The following FLT3 variants were observed in gnomAD, a reference collection of about 807,000 sequenced individuals.
The protein encoded by FLT3 is receptor-type tyrosine-protein kinase FLT3.
In FLT3, 46 loss-of-function variants were observed where a neutral mutation model predicts 126.6. The ratio of observed to expected loss-of-function variants is 0.36; its 90% CI spans 0.29 to 0.46. The LOEUF is 0.46. Among genes scored for constraint, FLT3 ranks in the 20% least tolerant of loss-of-function variants. FLT3 has a pLI of 1.00. For missense variants in FLT3, 1,069 were observed against 1,190.3 expected, an observed-to-expected ratio of 0.90 and a Z score of 1.50; for synonymous variants, 404 against 434.4, an observed-to-expected ratio of 0.93 and a Z score of 0.87.
rs774344038 is a variant in FLT3, at chr13:28,057,484, T to A, written c.369-22A>T. The A allele has an allele frequency of 7.2e-6, 8 of 1,118,174 alleles. No individual in the cohort carries two copies. The Admixed American group carries it at 1.4e-4, about 19-fold the overall frequency. The allele number at this position is 1,118,174 out of a possible 1,614,324, so 69.3% of individuals were successfully genotyped here. ...TCCTCTGCAAAACAGGAAAGAGAAC[T>A]AGTTATTTTGGAAAATGTGTGAAAC... On this transcript the variant is annotated intron_variant, in intron 3 of 23. Coordinates refer to ENST00000241453, the MANE Select transcript of FLT3 (RefSeq NM_004119.3).
At chr13:28,022,434 C>T (rs1593225110) in intron 19 of FLT3, among the ~76,000 whole-genome samples, 1 of 152,042 alleles carries the variant, frequency 6.6e-6, no homozygotes, top group Admixed American at 6.6e-5. Flanking sequence ...ATTGCTTGAA[C>T]CCAGGAAGCA....
intron 13 of FLT3, 22 bp from the exon 14 acceptor site, chr13:28,034,236 T>C (rs1873626373): frequency 6.2e-7 from 1 of 1,613,676 alleles, no homozygotes; most frequent in African/African-American, 1.3e-5. Flanking sequence ...AAATGATGAG[T>C]CAGTTAGGAA....
intron 5 of FLT3, among the ~76,000 whole-genome samples, chr13:28,052,231 A>G (rs569540418): frequency 6.6e-6 from 1 of 151,624 alleles, no homozygotes; most frequent in Non-Finnish European, 1.5e-5. Context: ...AGTAGCTGGT[A>G]TTTTAGGTGC....
intron 23 of FLT3, among the ~76,000 whole-genome samples, chr13:28,008,668 G>A (rs1195696718): frequency 2.0e-5 from 3 of 151,870 alleles, no homozygotes; most frequent in South Asian, 2.1e-4. Context: ...TAGTAGAGAC[G>A]GGGTTTCACC....
At chr13:28,092,846 C>G (rs1159366094) in intron 1 of FLT3, among the ~76,000 whole-genome samples, 1 of 148,554 alleles carries the variant, frequency 6.7e-6, no homozygotes, top group Admixed American at 6.7e-5. Flanking sequence ...AAAAAAAAAG[C>G]ATGCTCACAC....
intron 1 of FLT3, among the ~76,000 whole-genome samples, chr13:28,089,108 A>T (rs1289915557): frequency 6.6e-6 from 1 of 152,242 alleles, no homozygotes; most frequent in Non-Finnish European, 1.5e-5. Flanking sequence ...GCTTAACATC[A>T]TTAGTCATTA....
chr13:28,016,117 C>T (rs1030555629), intron 20 of FLT3, among the ~76,000 whole-genome samples: 4 of 152,084 alleles, frequency 2.6e-5, no homozygotes, highest in South Asian at 2.1e-4. Context: ...GAGGGGAGCC[C>T]ACGTCATCAC....
Position 28,015,163 on chromosome 13 carries a change from T to C in FLT3, c.2747A>G (p.Glu916Gly), listed in dbSNP as rs773189409. 2.5e-6 allele frequency: 4 copies of C among 1,581,218 alleles called. No individual in the cohort carries two copies. The Admixed American group carries it at 6.7e-5, about 26-fold the overall frequency. ...CAGTCTGACTTGAACTTACATTTCT[T>C]CTGTAGCATAAAATGGCTGATCCAT... ...FKMDQPFYAT[E>G]EIYIIMQSCW... Residue 916 changes from glutamate (E) to glycine (G), a missense_variant, in exon 22 of 24, where the codon GAA becomes GGA. Physicochemically the swap from Glu to Gly is moderately conservative, Grantham distance 98. Coordinates refer to ENST00000241453, the MANE Select transcript of FLT3 (RefSeq NM_004119.3).
intron 18 of FLT3, 29 bp from the exon 19 acceptor site, chr13:28,023,506 G>A: frequency 2.5e-6 from 4 of 1,609,590 alleles, no homozygotes; most frequent in Non-Finnish European, 3.4e-6. Flanking sequence ...CTTCACTTTT[G>A]CCAAAACTCT....
intron 3 of FLT3, among the ~76,000 whole-genome samples, chr13:28,058,221 A>AC (rs1555258477): frequency 3.8e-4 from 21 of 55,602 alleles, no homozygotes; most frequent in African/African-American, 1.1e-3. Context: ...AAAAAAAAAC[A>AC]AAAAAAAAAA....
Position 28,048,300 on chromosome 13 carries a change from G to T in FLT3, c.1180C>A (p.Gln394Lys), listed in dbSNP as rs1412824771. Reference protein sequence around the residue: ...TFSRKSFPCEQKGLDNGYSIS... With the variant: ...TFSRKSFPCEKKGLDNGYSIS... Reference sequence around the variant, plus strand: ...CTGTATCCGTTATCAAGACCCTTTTGCTCACAAGGAAATGATTTTCGAGAG... The same window carrying T: ...CTGTATCCGTTATCAAGACCCTTTTTCTCACAAGGAAATGATTTTCGAGAG... Residue 394 changes from glutamine (Q) to lysine (K), a missense_variant, in exon 9 of 24, where the codon CAA (glutamine) becomes AAA (lysine). Transcript: ENST00000241453. 2.5e-6 allele frequency: 4 copies of T among 1,613,798 alleles called. No individual in the cohort carries two copies. Among genetic ancestry groups the T allele is most frequent in the Non-Finnish European group, 3.4e-6 (4 of 1,179,840 alleles).
At chr13:28,076,664 A>G (rs1450357619) in intron 1 of FLT3, among the ~76,000 whole-genome samples, 3 of 152,210 alleles carry the variant, frequency 2.0e-5, no homozygotes, top group African/African-American at 7.2e-5. Flanking sequence ...AGCATGAGTG[A>G]GGACTGTAAT....
intron 21 of FLT3, 52 bp from the exon 22 acceptor site, chr13:28,015,308 T>G (rs1220115006): frequency 2.5e-6 from 3 of 1,184,522 alleles, no homozygotes; most frequent in Non-Finnish European, 3.8e-6. Context: ...TTCATTTGTT[T>G]ATTGATTCAT....
At chr13:28,041,000 T>C (rs1227542434) in intron 9 of FLT3, among the ~76,000 whole-genome samples, 3 of 147,646 alleles carry the variant, frequency 2.0e-5, no homozygotes, top group East Asian at 2.0e-4. Context: ...TTGAATAAGG[T>C]GTTTAACCTT....
chr13:28,024,832 A>C, intron 18 of FLT3, 29 bp downstream of exon 18: 1 of 1,361,700 alleles, frequency 7.3e-7, no homozygotes, highest in African/African-American at 1.5e-5. Flanking sequence ...TTCCATTTTA[A>C]AGTGCTACTA....
At chr13:28,097,576 C>T (rs1034472840) in intron 1 of FLT3, among the ~76,000 whole-genome samples, 6 of 152,040 alleles carry the variant, frequency 3.9e-5, no homozygotes, top group African/African-American at 1.2e-4. Context: ...TATAGATAGA[C>T]GTGAAGTACC....
In FLT3 at chr13:28,049,684, T is replaced by G. The variant is rs550878210; in HGVS notation, c.833A>C (p.Asn278Thr). Reference protein sequence around the residue: ...LWIRCKAVHVNHGFGLTWELE... With the variant: ...LWIRCKAVHVTHGFGLTWELE... ...TTCCCAGGTGAGCCCGAATCCATGGTTCACATGAACAGCTTTGCACCTTAT... is the reference window on the plus strand; with the variant it reads ...TTCCCAGGTGAGCCCGAATCCATGGGTCACATGAACAGCTTTGCACCTTAT... Residue 278 changes from asparagine to threonine, a missense_variant, in exon 7 of 24, where the codon AAC (asparagine) becomes ACC (threonine). Physicochemically the swap from Asn to Thr is moderately conservative, Grantham distance 65 (BLOSUM62 0). Coordinates refer to ENST00000241453, the MANE Select transcript of FLT3 (RefSeq NM_004119.3). 3.7e-6 allele frequency: 6 copies of G among 1,614,182 alleles called. No homozygotes were observed. In the African/African-American group the frequency reaches 5.3e-5, roughly 14 times the overall value.
chr13:28,087,214 G>C (rs1878732175), intron 1 of FLT3, among the ~76,000 whole-genome samples: 1 of 151,784 alleles, frequency 6.6e-6, no homozygotes, highest in South Asian at 2.1e-4. Context: ...TGACTACAAG[G>C]ACACACCATC....
intron 2 of FLT3, 101 bp downstream of exon 2, chr13:28,070,390 A>T: frequency 1.1e-6 from 1 of 926,304 alleles, no homozygotes; most frequent in Non-Finnish European, 1.7e-6. Flanking sequence ...ATACTTAAAT[A>T]CATAAAGAGA....
Sources: allele counts gnomAD v4.1 joint callset (sites outside exome capture counted in the v4.1 genomes callset), GRCh38; gene constraint gnomAD v4.1.1; transcripts MANE v1.5; gene names NCBI Gene and HGNC (gene_info 2026-07-23, HGNC 2026-07-21).